The following PCLAF variants were observed in gnomAD, a reference collection of about 807,000 sequenced individuals.
PCLAF encodes the protein PCNA clamp associated factor, also known as PCNA-associated factor.
Under a neutral mutation model 15.1 loss-of-function variants are expected in PCLAF, and 12 were observed. That is an observed-to-expected ratio of 0.79 (90% CI 0.51 to 1.29). PCLAF has a LOEUF of 1.29. Ranked by LOEUF, PCLAF falls within the 50% of genes most tolerant of loss-of-function variation. The pLI, the probability that PCLAF is intolerant of heterozygous loss-of-function variation, is 0.00. For synonymous variants in PCLAF, 33 were observed against 47.1 expected, an observed-to-expected ratio of 0.70 and a Z score of 1.22; for missense variants, 116 against 130.9, an observed-to-expected ratio of 0.89 and a Z score of 0.56.
At chr15:64,380,499 T>C (rs1172116748) in intron 2 of PCLAF, among the ~76,000 whole-genome samples, 2 of 151,920 alleles carry the variant, frequency 1.3e-5, no homozygotes, top group African/African-American at 4.8e-5. Context: ...GCCCAGGAGT[T>C]TGAGACCAGC....
intron 3 of PCLAF, among the ~76,000 whole-genome samples, chr15:64,369,487 T>C (rs553214841): frequency 6.6e-6 from 1 of 152,198 alleles, no homozygotes; most frequent in South Asian, 2.1e-4. Context: ...ATTTAATTGC[T>C]GCTAATCTCA....
chr15:64,372,636 G>T (rs1899384279), intron 3 of PCLAF, among the ~76,000 whole-genome samples: 1 of 150,498 alleles, frequency 6.6e-6, no homozygotes, highest in South Asian at 2.1e-4. Flanking sequence ...GAAAAGAAAA[G>T]AAAGTCAAAT....
At chr15:64,383,821 A>G (rs1387271918), upstream of PCLAF, among the ~76,000 whole-genome samples, 1 of 152,194 alleles carries the variant, frequency 6.6e-6, no homozygotes, top group Admixed American at 6.5e-5. Flanking sequence ...GTTGCCAGAA[A>G]GAGTATCAAA....
In PCLAF at chr15:64,366,011, A is replaced by C. The variant is rs1158048885; in HGVS notation, c.*19T>G. 1 of 1,592,524 alleles carries C rather than the reference A, an allele frequency of 6.3e-7. No individual in the cohort carries two copies. Among genetic ancestry groups the C allele is most frequent in the Non-Finnish European group, 8.6e-7 (1 of 1,162,194 alleles). ...CAGGGTAAACAAGGAGACGTTATTCAAAGATGAATGAGAAAGTTCTATTCT... is the reference window on the plus strand; with the variant it reads ...CAGGGTAAACAAGGAGACGTTATTCCAAGATGAATGAGAAAGTTCTATTCT... On this transcript the variant is annotated 3_prime_UTR_variant, in exon 4 of 4. Transcript: ENST00000300035.
rs563439020 is a variant in PCLAF, at chr15:64,376,720, T to C, written c.290+23A>G. Reference sequence around the variant, plus strand: ...AGGCGTGAGATAAATATTTTCTTTATATTCCAGAATATAAAAACTTACTTT... The same window carrying C: ...AGGCGTGAGATAAATATTTTCTTTACATTCCAGAATATAAAAACTTACTTT... On this transcript the variant is annotated intron_variant, in intron 3 of 3. Transcript: ENST00000300035. The C allele has an allele frequency of 4.5e-5, 72 of 1,589,816 alleles. No individual in the cohort carries two copies. In the East Asian group the frequency reaches 9.2e-4, roughly 20 times the overall value.
At chr15:64,377,606 T>A (rs1217562797) in intron 2 of PCLAF, among the ~76,000 whole-genome samples, 2 of 139,912 alleles carry the variant, frequency 1.4e-5, no homozygotes, top group Non-Finnish European at 3.0e-5. Flanking sequence ...CCATGTAGTA[T>A]AAAGTGCCAA....
chr15:64,382,065 T>C (rs1213872721), upstream of PCLAF, among the ~76,000 whole-genome samples: 1 of 152,118 alleles, frequency 6.6e-6, no homozygotes, highest in Non-Finnish European at 1.5e-5. Context: ...AACGTCTTCT[T>C]GAGAACCGAA....
chr15:64,365,664 G>C lies in PCLAF; in HGVS notation c.*366C>G, dbSNP rs1320382847. On this transcript the variant is annotated 3_prime_UTR_variant, in exon 4 of 4. Transcript: ENST00000300035. ...AAGCAAGTAGAAGGAGTGACAATAT[G>C]GCACCATTCCAATAATCAAACACCA... 2 of 207,676 alleles carry C rather than the reference G, an allele frequency of 9.6e-6. No homozygotes were observed. The highest frequency in any genetic ancestry group is 6.2e-5 in the Admixed American group (1 of 16,192). The allele number at this position is 207,676 out of a possible 1,614,324, so 12.9% of individuals were successfully genotyped here. A position where few individuals can be genotyped will look rare whatever the true frequency, so the allele number is the denominator to read the frequency against.
At chr15:64,372,685 T>C (rs1378172794) in intron 3 of PCLAF, among the ~76,000 whole-genome samples, 1 of 148,748 alleles carries the variant, frequency 6.7e-6, no homozygotes, top group Non-Finnish European at 1.5e-5. Context: ...AAGAGTTAAG[T>C]GCCCTTGGCC....
At chr15:64,380,645 A>G (rs1899782881) in intron 2 of PCLAF, among the ~76,000 whole-genome samples, 1 of 152,084 alleles carries the variant, frequency 6.6e-6, no homozygotes, top group African/African-American at 2.4e-5. Context: ...TGGAGGATGT[A>G]GTGACCAGTG....
exon 1 of PCLAF, chr15:64,387,572 T>C: frequency 1.5e-6 from 2 of 1,366,342 alleles, no homozygotes; most frequent in Non-Finnish European, 1.9e-6. Context: ...TATAGGCACT[T>C]GCACTGTCTT....
intron 2 of PCLAF, among the ~76,000 whole-genome samples, chr15:64,377,599 T>C (rs979790470): frequency 1.1e-4 from 15 of 137,838 alleles, no homozygotes; most frequent in Admixed American, 9.3e-4. Flanking sequence ...GATAGGACCA[T>C]GTAGTATAAA....
At chr15:64,372,731 T>G (rs1217529651) in intron 3 of PCLAF, among the ~76,000 whole-genome samples, 1 of 151,852 alleles carries the variant, frequency 6.6e-6, no homozygotes, top group African/African-American at 2.4e-5. Flanking sequence ...CCCAGCACTT[T>G]GGGAGGCCGA....
rs1162451020 is a variant in PCLAF, at chr15:64,377,489, ATATATATATATATATATATATAT to A, written c.128-607_128-585del. Among the ~76,000 whole-genome samples, 5 of 16,464 alleles carry A rather than the reference ATATATATATATATATATATATAT, an allele frequency of 3.0e-4. 1 individual carries two copies. The highest frequency in any genetic ancestry group is 9.0e-4 in the African/African-American group (4 of 4,438). 10.8% of individuals were successfully genotyped at this position (16,464 alleles called of 152,430 possible). A position where few individuals can be genotyped will look rare whatever the true frequency, so the allele number is the denominator to read the frequency against. ...CTGTCTCAAAAAAAAAAAAAAAAAA[ATATATATATATATATATATATAT>A]ATATATATATATATATATATATATA... On this transcript the variant is annotated intron_variant, in intron 2 of 3. Coordinates refer to ENST00000300035, the MANE Select transcript of PCLAF (RefSeq NM_014736.6).
At chr15:64,367,506 A>T (rs1364136577) in intron 3 of PCLAF, among the ~76,000 whole-genome samples, 1 of 18,974 alleles carries the variant, frequency 5.3e-5, no homozygotes, top group East Asian at 0.062. Context: ...TCTGTCTCAA[A>T]AAAACCCAAA....
At chr15:64,382,861 A>T, upstream of PCLAF, 1 of 269,866 alleles carries the variant, frequency 3.7e-6, no homozygotes, top group Non-Finnish European at 7.3e-6. Flanking sequence ...GAGTGGCGGC[A>T]TGTGCCTGTA....
chr15:64,370,865 A>C (rs1238285036), intron 3 of PCLAF, among the ~76,000 whole-genome samples: 1 of 135,710 alleles, frequency 7.4e-6, no homozygotes, highest in African/African-American at 2.8e-5. Flanking sequence ...TTAAGTATTT[A>C]CAGAAAGAGC....
chr15:64,371,232 T>A (rs969760212), intron 3 of PCLAF, among the ~76,000 whole-genome samples: 1 of 151,774 alleles, frequency 6.6e-6, no homozygotes, highest in Non-Finnish European at 1.5e-5. Flanking sequence ...CCTCCCAAAG[T>A]GCTGGGATTA....
intron 2 of PCLAF, among the ~76,000 whole-genome samples, chr15:64,378,354 G>C (rs1436373257): frequency 6.6e-6 from 1 of 152,078 alleles, no homozygotes; most frequent in Non-Finnish European, 1.5e-5. Context: ...TAAAACATTT[G>C]CTTTAACAAC....
Sources: gnomAD v4.1 joint callset for allele counts (sites outside exome capture counted in the v4.1 genomes callset) on GRCh38, gnomAD v4.1.1 for gene constraint, MANE v1.5 for transcripts, NCBI Gene and HGNC (gene_info 2026-07-23, HGNC 2026-07-21) for gene names.